The following NCALD variants were observed in gnomAD, a reference collection of about 807,000 sequenced individuals.
NCALD encodes the protein neurocalcin delta.
Under a neutral mutation model 18.6 loss-of-function variants are expected in NCALD, and 10 were observed. The ratio of observed to expected loss-of-function variants is 0.54; its 90% CI spans 0.33 to 0.91. NCALD has a LOEUF of 0.91. Among genes scored for constraint, NCALD ranks in the 40% least tolerant of loss-of-function variants. NCALD has a pLI of 0.03. For synonymous variants in NCALD, 88 were observed against 87.4 expected (o/e 1.01, Z -0.04); for missense variants, 184 against 247.6 (o/e 0.74, Z 1.72).
At chr8:101,827,891 C>A (rs1284789445) in intron 4 of NCALD, among the ~76,000 whole-genome samples, 1 of 152,200 alleles carries the variant, frequency 6.6e-6, no homozygotes, top group East Asian at 1.9e-4. Flanking sequence ...GAAATGAGTT[C>A]TATACCACCC....
intron 1 of NCALD, among the ~76,000 whole-genome samples, chr8:102,068,244 C>T (rs762162138): frequency 2.4e-4 from 36 of 152,340 alleles, no homozygotes; most frequent in Non-Finnish European, 3.8e-4. Flanking sequence ...CGCTCCCCCA[C>T]TTAACCCTCC....
At chr8:101,697,029 TAAC>T (rs375679305) in intron 2 of NCALD, among the ~76,000 whole-genome samples, 17 of 149,950 alleles carry the variant, frequency 1.1e-4, no homozygotes, top group African/African-American at 3.9e-4. Flanking sequence ...TTGAAAAAAT[TAAC>T]AAAATAGACC....
chr8:102,005,115 T>A (rs1458128438), intron 2 of NCALD, among the ~76,000 whole-genome samples: 1 of 151,984 alleles, frequency 6.6e-6, no homozygotes, highest in Non-Finnish European at 1.5e-5. Context: ...GGGAGAAAAT[T>A]TTTGCAATCT....
intron 2 of NCALD, among the ~76,000 whole-genome samples, chr8:101,998,249 A>G (rs1821311522): frequency 1.3e-5 from 2 of 152,200 alleles, no homozygotes; most frequent in African/African-American, 4.8e-5. Flanking sequence ...CTTTTTTAAA[A>G]GATGGATTTA....
chr8:102,055,752 T>C (rs1823627939), intron 1 of NCALD, among the ~76,000 whole-genome samples: 1 of 152,384 alleles, frequency 6.6e-6, no homozygotes, highest in African/African-American at 2.4e-5. Flanking sequence ...TTGTGTGAAA[T>C]TTCACAATGA....
intron 2 of NCALD, among the ~76,000 whole-genome samples, chr8:101,919,812 C>G (rs1818099805): frequency 6.6e-6 from 1 of 152,034 alleles, no homozygotes; most frequent in African/African-American, 2.4e-5. Context: ...CAGAGAAATG[C>G]AAATCAAAAC....
chr8:102,017,812 A>C (rs1245875659), intron 2 of NCALD, among the ~76,000 whole-genome samples: 1 of 152,250 alleles, frequency 6.6e-6, no homozygotes, highest in East Asian at 1.9e-4. Flanking sequence ...CTTTTAAAGA[A>C]ACAAACTAGA....
intron 4 of NCALD, among the ~76,000 whole-genome samples, chr8:101,878,890 T>G (rs1586679689): frequency 6.6e-6 from 1 of 152,216 alleles, no homozygotes; most frequent in African/African-American, 2.4e-5. Flanking sequence ...TGCCATGTCC[T>G]ATGATTACGA....
intron 1 of NCALD, among the ~76,000 whole-genome samples, chr8:101,738,420 T>C (rs1810023905): frequency 6.6e-6 from 1 of 151,894 alleles, no homozygotes; most frequent in African/African-American, 2.4e-5. Flanking sequence ...GGCAGGTGCC[T>C]GTAATCCCAG....
At chr8:101,935,672 G>A (rs1818734049) in intron 2 of NCALD, among the ~76,000 whole-genome samples, 1 of 152,030 alleles carries the variant, frequency 6.6e-6, no homozygotes, top group Admixed American at 6.6e-5. Flanking sequence ...TGAGTGGAGT[G>A]GGTTGCAGAG....
chr8:102,019,169 C>T (rs1264370525), intron 2 of NCALD, among the ~76,000 whole-genome samples: 1 of 151,904 alleles, frequency 6.6e-6, no homozygotes, highest in East Asian at 1.9e-4. Context: ...AATGGTGCCC[C>T]ACCTCATTAG....
chr8:101,758,039 A>G (rs1328747135), intron 1 of NCALD, among the ~76,000 whole-genome samples: 2 of 152,096 alleles, frequency 1.3e-5, no homozygotes, highest in Non-Finnish European at 2.9e-5. Flanking sequence ...TTCCTCCTGC[A>G]TCAGCCTCCC....
chr8:101,820,953 T>A (rs1202736490), intron 4 of NCALD, among the ~76,000 whole-genome samples: 1 of 152,192 alleles, frequency 6.6e-6, no homozygotes, highest in Non-Finnish European at 1.5e-5. Flanking sequence ...TCATCAAGTA[T>A]ACAGAAAACT....
intron 1 of NCALD, among the ~76,000 whole-genome samples, chr8:101,749,321 G>A (rs912315118): frequency 6.6e-6 from 1 of 152,272 alleles, no homozygotes; most frequent in Non-Finnish European, 1.5e-5. Flanking sequence ...CTTCTCCAAA[G>A]AAGCAAAAAC....
At chr8:102,032,740 G>T (rs1233605265) in intron 1 of NCALD, among the ~76,000 whole-genome samples, 1 of 151,870 alleles carries the variant, frequency 6.6e-6, no homozygotes, top group Non-Finnish European at 1.5e-5. Context: ...GACGTCCACT[G>T]CAGAGAAGGC....
In NCALD at chr8:101,689,200, G is replaced by T. The variant is rs1026242575; in HGVS notation, c.*109C>A. On this transcript the variant is annotated 3_prime_UTR_variant, in exon 4 of 4. Transcript: ENST00000220931. The surrounding 1 kb of genome is among the most constrained non-coding windows in gnomAD (Gnocchi z 4.4). ...AGGAAGGCGCATCAGACCGCACAGG[G>T]GACGGCATCACCATTGATATTGTTT... The T allele has an allele frequency of 1.0e-6, 1 of 996,126 alleles. No homozygotes were observed. The highest frequency in any genetic ancestry group is 2.0e-4 in the Middle Eastern group (1 of 4,930). The allele number at this position is 996,126 out of a possible 1,614,324, so 61.7% of individuals were successfully genotyped here. A position where few individuals can be genotyped will look rare whatever the true frequency, so the allele number is the denominator to read the frequency against.
chr8:101,947,624 G>C (rs1006479162), intron 2 of NCALD, among the ~76,000 whole-genome samples: 1 of 152,152 alleles, frequency 6.6e-6, no homozygotes, highest in Admixed American at 6.5e-5. Flanking sequence ...CACTTACAAA[G>C]TTGTATTGAC....
At chr8:101,740,871 C>T (rs552555380) in intron 1 of NCALD, among the ~76,000 whole-genome samples, 3 of 152,270 alleles carry the variant, frequency 2.0e-5, no homozygotes, top group African/African-American at 7.2e-5. Context: ...CAGCAGGAAC[C>T]ACCTAAGATT....
At chr8:101,754,870 A>AAATG (rs1010490013) in intron 1 of NCALD, among the ~76,000 whole-genome samples, 1 of 150,590 alleles carries the variant, frequency 6.6e-6, no homozygotes, top group African/African-American at 2.5e-5. Flanking sequence ...ATGAATGAAT[A>AAATG]AATGAATGAA....
Sources: gnomAD v4.1 joint callset for allele counts (sites outside exome capture counted in the v4.1 genomes callset) on GRCh38, gnomAD v4.1.1 for gene constraint, Gnocchi (gnomAD v3.1) non-coding constraint, MANE v1.5 for transcripts, NCBI Gene and HGNC (gene_info 2026-07-23, HGNC 2026-07-21) for gene names.